FBXL12: variants seen among roughly 807,000 people sequenced by gnomAD.
FBXL12 encodes the protein F-box/LRR-repeat protein 12.
In FBXL12, 22 loss-of-function variants were observed where a neutral mutation model predicts 24.9. The observed-to-expected ratio is 0.88, with a 90% CI of 0.63 to 1.26. The LOEUF is 1.26. Ranked by LOEUF, FBXL12 falls within the 50% of genes most tolerant of loss-of-function variation. The probability of loss-of-function intolerance (pLI) is 0.00; values close to 1 mark genes in which losing one functional copy is unlikely to be tolerated. For missense variants in FBXL12, 384 were observed against 434.1 expected, an observed-to-expected ratio of 0.88 and a Z score of 1.03; for synonymous variants, 193 against 193.8, an observed-to-expected ratio of 1.00 and a Z score of 0.03.
chr19:9,818,460 C>T lies in FBXL12; in HGVS notation c.159+85G>A, dbSNP rs772780757. On this transcript the variant is annotated intron_variant, in intron 2 of 2. Coordinates refer to ENST00000247977, the MANE Select transcript of FBXL12 (RefSeq NM_017703.3). ...TCTAAATCCCCAGCCCGGGCCCCGA[C>T]ACACAGTCCCAGGGTGGGAGAGGTG... 6 of 1,404,508 alleles carry T rather than the reference C, an allele frequency of 4.3e-6. No individual in the cohort carries two copies. The East Asian group carries it at 1.0e-4, about 24-fold the overall frequency. 87.0% of individuals were successfully genotyped at this position (1,404,508 alleles called of 1,614,324 possible). A position where few individuals can be genotyped will look rare whatever the true frequency, so the allele number is the denominator to read the frequency against.
At chr19:9,818,704 T>A (rs1360931352) in intron 1 of FBXL12, 24 bp downstream of exon 1, 1 of 1,543,776 alleles carries the variant, frequency 6.5e-7, no homozygotes, top group Non-Finnish European at 8.8e-7. Flanking sequence ...CGCCCTGCCC[T>A]TCCCCCCGGA....
intron 2 of FBXL12, among the ~76,000 whole-genome samples, chr19:9,816,605 C>G (rs1388224403): frequency 6.6e-6 from 1 of 152,210 alleles, no homozygotes; most frequent in African/African-American, 2.4e-5. Flanking sequence ...CCTTATTGAT[C>G]ATACCACTAT....
intron 2 of FBXL12, 61 bp downstream of exon 2, chr19:9,818,484 T>C: frequency 6.7e-7 from 1 of 1,500,644 alleles, no homozygotes. Context: ...GTGGGAGAGG[T>C]GGTCTTCGGG....
At chr19:9,815,560 C>T (rs1170375980) in intron 2 of FBXL12, among the ~76,000 whole-genome samples, 1 of 152,200 alleles carries the variant, frequency 6.6e-6, no homozygotes, top group Non-Finnish European at 1.5e-5. Flanking sequence ...AGAGGTTCTC[C>T]ATGAGGGCCC....
intron 2 of FBXL12, among the ~76,000 whole-genome samples, chr19:9,814,821 C>G (rs2045845407): frequency 6.6e-6 from 1 of 152,114 alleles, no homozygotes; most frequent in African/African-American, 2.4e-5. Flanking sequence ...AGACCAGCCC[C>G]CAAGATTCAA....
Position 9,811,019 on chromosome 19 carries a change from G to A in FBXL12, c.858C>T (p.Val286=). 6.2e-7 allele frequency: 1 copy of A among 1,613,638 alleles called. No individual in the cohort carries two copies. The highest frequency in any genetic ancestry group is 8.5e-7 in the Non-Finnish European group (1 of 1,179,766). ...SSCLTMPKLR[V]LELQGLGWEG... ...CCCACCCCAGCCCCTGCAGCTCAAG[G>A]ACTCTGAGCTTGGGCATAGTGAGGC... Residue 286 remains valine, a synonymous_variant, in exon 3 of 3, where the codon GTC becomes GTT. Coordinates refer to ENST00000247977, the MANE Select transcript of FBXL12 (RefSeq NM_017703.3). The surrounding 1 kb of genome is among the most constrained non-coding windows in gnomAD (Gnocchi z 6.0).
Position 9,811,188 on chromosome 19 carries a change from A to G in FBXL12, c.689T>C (p.Val230Ala). 6.2e-7 allele frequency: 1 copy of G among 1,611,098 alleles called. No homozygotes were observed. The highest frequency in any genetic ancestry group is 8.5e-7 in the Non-Finnish European group (1 of 1,178,070). Residue 230 changes from valine (V) to alanine (A), a missense_variant, in exon 3 of 3, where the codon GTG becomes GCG. Transcript: ENST00000247977. The surrounding 1 kb of genome is among the most constrained non-coding windows in gnomAD (Gnocchi z 6.0). ...LLAISRHLRD[V>A]RKIRLTVRGL... ...CCTCACGGTCAGCCGGATCTTGCGC[A>G]CATCTCGGAGGTGGCGGCTGATGGC...
At chr19:9,817,101 T>C (rs1286646818) in intron 2 of FBXL12, among the ~76,000 whole-genome samples, 1 of 152,158 alleles carries the variant, frequency 6.6e-6, no homozygotes, top group Non-Finnish European at 1.5e-5. Flanking sequence ...TTCTGGGAGA[T>C]AGAATTCAAG....
At chr19:9,812,772 A>AC (rs1568344359) in intron 2 of FBXL12, among the ~76,000 whole-genome samples, 2 of 150,868 alleles carry the variant, frequency 1.3e-5, no homozygotes, top group African/African-American at 4.9e-5. Flanking sequence ...AAAAAAAAAA[A>AC]AAAAAACAAC....
At chr19:9,818,148 G>A (rs1599432679) in intron 2 of FBXL12, 1 of 402,942 alleles carries the variant, frequency 2.5e-6, no homozygotes, top group Admixed American at 4.3e-5. Context: ...GGAGGTCGAG[G>A]CTGCAATCGC....
Position 9,811,838 on chromosome 19 carries a change from T to G in FBXL12, c.160-121A>C, listed in dbSNP as rs2045762365. 7.4e-6 allele frequency: 6 copies of G among 806,992 alleles called. No homozygotes were observed. The East Asian group carries it at 1.7e-4, about 23-fold the overall frequency. The allele number at this position is 806,992 out of a possible 1,614,324, so 50.0% of individuals were successfully genotyped here. A position where few individuals can be genotyped will look rare whatever the true frequency, so the allele number is the denominator to read the frequency against. ...CTGGTGCCCTGCTGGGCTTCTGCCCTTGCCTAGCCAGTCTCCTCCCCAGGT... is the reference window on the plus strand; with the variant it reads ...CTGGTGCCCTGCTGGGCTTCTGCCCGTGCCTAGCCAGTCTCCTCCCCAGGT... On this transcript the variant is annotated intron_variant, in intron 2 of 2. Coordinates refer to ENST00000247977, the MANE Select transcript of FBXL12 (RefSeq NM_017703.3). This position sits in a 1 kb window ranked among gnomAD's most constrained non-coding sequence, Gnocchi z 6.0.
intron 2 of FBXL12, among the ~76,000 whole-genome samples, chr19:9,815,929 G>A (rs1278793948): frequency 7.9e-5 from 12 of 152,188 alleles, no homozygotes; most frequent in African/African-American, 1.2e-4. Flanking sequence ...GATTATAGGC[G>A]TGAGCCACTG....
intron 2 of FBXL12, among the ~76,000 whole-genome samples, chr19:9,812,057 C>T (rs1035710273): frequency 2.6e-5 from 4 of 151,942 alleles, no homozygotes; most frequent in African/African-American, 9.7e-5. Flanking sequence ...ACTTCAGCTT[C>T]CCAAGTGGCT....
In FBXL12 at chr19:9,818,712, G is replaced by A. The variant is rs763933520; in HGVS notation, c.86+16C>T. The A allele has an allele frequency of 1.9e-6, 3 of 1,543,974 alleles. No individual in the cohort carries two copies. The highest frequency in any genetic ancestry group is 1.4e-5 in the African/African-American group (1 of 73,142). On this transcript the variant is annotated intron_variant, in intron 1 of 2. Coordinates refer to ENST00000247977, the MANE Select transcript of FBXL12 (RefSeq NM_017703.3). ...CGCCCTCCGCCCTGCCCTTCCCCCC[G>A]GAGGCGGGGCCGCACCTGGAGATGC...
chr19:9,818,122 G>T, intron 2 of FBXL12: 1 of 396,496 alleles, frequency 2.5e-6, no homozygotes, highest in East Asian at 3.6e-5. Flanking sequence ...TGATGCGAGA[G>T]GATCGCTTGA....
chr19:9,818,415 T>C (rs962520565), intron 2 of FBXL12, 130 bp downstream of exon 2: 11 of 952,484 alleles, frequency 1.2e-5, no homozygotes, highest in African/African-American at 6.6e-5. Context: ...GATGCCGAGA[T>C]AGGCCCCGGA....
Position 9,810,889 on chromosome 19 carries a change from G to A in FBXL12, c.*7C>T, listed in dbSNP as rs760810239. The A allele has an allele frequency of 9.6e-6, 15 of 1,570,416 alleles. No individual in the cohort carries two copies. Among genetic ancestry groups the A allele is most frequent in the Non-Finnish European group, 1.3e-5 (15 of 1,150,280 alleles). On this transcript the variant is annotated 3_prime_UTR_variant, in exon 3 of 3. Coordinates refer to ENST00000247977, the MANE Select transcript of FBXL12 (RefSeq NM_017703.3). ...ACTGGGATGGGTCCCAAGGGCAGGT[G>A]GAGTAGTTACATCCACCAGTCCATA... is the stretch of plus-strand genomic sequence containing the variant.
Position 9,818,591 on chromosome 19 carries a change from AC to A in FBXL12, c.112del (p.Val38TrpfsTer12), listed in dbSNP as rs1599433681. The stretch of plus-strand genomic sequence containing the variant: ...ATGTCGCCACAGCCACCGGTCGTCC[AC>A]CAGCCTCTTCCAGCGGTGACAGACC... ...SRVCHRWKRL[V>X]DDRWLWRHVD... On this transcript the variant is annotated frameshift_variant, in exon 2 of 3. Coordinates refer to ENST00000247977, the MANE Select transcript of FBXL12 (RefSeq NM_017703.3). LOFTEE classifies it high-confidence loss of function. 6.4e-7 allele frequency: 1 copy of A among 1,554,870 alleles called. No homozygotes were observed.
In FBXL12 at chr19:9,810,777, C is replaced by T. The variant is rs770187230; in HGVS notation, c.*119G>A. The T allele has an allele frequency of 3.1e-5, 25 of 797,784 alleles. No individual in the cohort carries two copies. Among genetic ancestry groups the T allele is most frequent in the Admixed American group, 8.8e-5 (3 of 34,058 alleles). The allele number at this position is 797,784 out of a possible 1,614,324, so 49.4% of individuals were successfully genotyped here. A position where few individuals can be genotyped will look rare whatever the true frequency, so the allele number is the denominator to read the frequency against. On this transcript the variant is annotated 3_prime_UTR_variant, in exon 3 of 3. Transcript: ENST00000247977. Reference sequence around the variant, plus strand: ...CTGGAGGTCCCTAGGCCTCTGTTCTCTCAACCTGGGGCTTTCAGTTTCCTC... The same window carrying T: ...CTGGAGGTCCCTAGGCCTCTGTTCTTTCAACCTGGGGCTTTCAGTTTCCTC...
Sources: allele counts gnomAD v4.1 joint callset (sites outside exome capture counted in the v4.1 genomes callset), GRCh38; gene constraint gnomAD v4.1.1; non-coding constraint Gnocchi (gnomAD v3.1); transcripts MANE v1.5; gene names NCBI Gene and HGNC (gene_info 2026-07-23, HGNC 2026-07-21).